Variants in ACO1 observed in about 807,000 individuals in gnomAD.
ACO1 encodes aconitase 1, also known as cytoplasmic aconitate hydratase.
ACO1 carries 78 observed loss-of-function variants against 105.1 expected under a neutral mutation model. That is an observed-to-expected ratio of 0.74 (90% CI 0.62 to 0.90). The LOEUF (loss-of-function observed/expected upper bound fraction) is 0.90, where lower values mean the gene tolerates loss of function less well. Ranked by LOEUF, ACO1 falls within the 40% of genes least tolerant of loss-of-function variation. The pLI is 0.00. For missense variants in ACO1, 965 were observed against 1,111.1 expected (o/e 0.87, Z 1.87); for synonymous variants, 364 against 397.4 (o/e 0.92, Z 1.00).
At chr9:32,399,971 T>TTG (rs202014789) in intron 1 of ACO1, among the ~76,000 whole-genome samples, 125 of 107,768 alleles carry the variant, frequency 1.2e-3, no homozygotes, top group South Asian at 2.7e-3. Flanking sequence ...TTTCTGTTTT[T>TTG]TTTTTTTTTT....
chr9:32,423,462 A>ATG, intron 9 of ACO1, 43 bp downstream of exon 9: 1 of 1,346,718 alleles, frequency 7.4e-7, no homozygotes, highest in Non-Finnish European at 1.0e-6. Flanking sequence ...CCTCTTCCTC[A>ATG]AGGCTGCGAT....
chr9:32,431,979 G>A, intron 15 of ACO1, 136 bp downstream of exon 15: 1 of 1,050,522 alleles, frequency 9.5e-7, no homozygotes, highest in South Asian at 2.0e-5. Context: ...GATGACTGGG[G>A]AGGTGGTTCT....
At chr9:32,430,063 T>C (rs1822191608) in intron 13 of ACO1, among the ~76,000 whole-genome samples, 1 of 152,256 alleles carries the variant, frequency 6.6e-6, no homozygotes, top group African/African-American at 2.4e-5. Context: ...TTGCATTAAT[T>C]ATAGAATCTA....
rs369285387 is a variant in ACO1 at position 32,451,784 on chromosome 9, C to A, written c.*1673C>A. The A allele has an allele frequency of 6.6e-6, 1 of 152,160 alleles. No homozygotes were observed. The highest frequency in any genetic ancestry group is 2.1e-4 in the South Asian group (1 of 4,824). The allele number at this position is 152,160 out of a possible 1,614,324, so 9.4% of individuals were successfully genotyped here. A position where few individuals can be genotyped will look rare whatever the true frequency, so the allele number is the denominator to read the frequency against. ...AAAAAATAAATTACAAACAAACAGC[C>A]AGGCGCAGTGGCTCATGCCTATAAT... is the stretch of plus-strand genomic sequence containing the variant. On this transcript the variant is annotated 3_prime_UTR_variant, in exon 21 of 21. Coordinates refer to ENST00000309951, the MANE Select transcript of ACO1 (RefSeq NM_002197.3).
intron 1 of ACO1, among the ~76,000 whole-genome samples, chr9:32,397,674 C>A (rs1055424471): frequency 2.0e-5 from 3 of 152,108 alleles, no homozygotes; most frequent in African/African-American, 7.2e-5. Context: ...TATAGCTAAC[C>A]TTTTTAATGA....
chr9:32,419,471 A>G (rs1821923828), intron 7 of ACO1, among the ~76,000 whole-genome samples: 1 of 152,258 alleles, frequency 6.6e-6, no homozygotes, highest in Non-Finnish European at 1.5e-5. Flanking sequence ...CCCACCACCT[A>G]GATTTAACAG....
chr9:32,417,279 G>A (rs1042600325), intron 4 of ACO1, among the ~76,000 whole-genome samples: 1 of 152,166 alleles, frequency 6.6e-6, no homozygotes. Flanking sequence ...GTTCCTAGTA[G>A]TGTCAAAAAG....
At chr9:32,445,078 T>C (rs2118571717) in intron 19 of ACO1, among the ~76,000 whole-genome samples, 1 of 152,294 alleles carries the variant, frequency 6.6e-6, no homozygotes, top group Admixed American at 6.5e-5. Context: ...CAAATTTTTT[T>C]TGGTTGTGTC....
chr9:32,408,367 A>G, intron 3 of ACO1, 147 bp from the exon 4 acceptor site: 1 of 861,308 alleles, frequency 1.2e-6, no homozygotes, highest in Non-Finnish European at 1.8e-6. Context: ...ATACGCTTAG[A>G]AACTTTCACT....
At chr9:32,403,639 G>A (rs1821545342) in intron 1 of ACO1, among the ~76,000 whole-genome samples, 1 of 152,206 alleles carries the variant, frequency 6.6e-6, no homozygotes, top group African/African-American at 2.4e-5. Context: ...CAGATAATAA[G>A]TACAAGTTAA....
intron 1 of ACO1, among the ~76,000 whole-genome samples, chr9:32,401,466 C>A (rs959867954): frequency 2.6e-5 from 4 of 151,610 alleles, no homozygotes; most frequent in African/African-American, 4.9e-5. Flanking sequence ...GCCTCTCTGT[C>A]TTCCTCTGGG....
At chr9:32,396,305 C>T (rs888557829) in intron 1 of ACO1, among the ~76,000 whole-genome samples, 2 of 152,202 alleles carry the variant, frequency 1.3e-5, no homozygotes, top group Admixed American at 1.3e-4. Context: ...AAAGTCCCTA[C>T]TGTGGCCACT....
At chr9:32,416,076 T>C (rs1587531399) in intron 4 of ACO1, among the ~76,000 whole-genome samples, 1 of 150,788 alleles carries the variant, frequency 6.6e-6, no homozygotes, top group Non-Finnish European at 1.5e-5. Flanking sequence ...AAAAAATCTG[T>C]GTGGTAACCA....
At chr9:32,428,216 T>G (rs1822142764) in intron 12 of ACO1, among the ~76,000 whole-genome samples, 1 of 146,868 alleles carries the variant, frequency 6.8e-6, no homozygotes, top group African/African-American at 2.5e-5. Flanking sequence ...CCCAGGAGTT[T>G]GAGGTTGCAG....
chr9:32,425,341 C>T (rs1822065098), intron 10 of ACO1, among the ~76,000 whole-genome samples: 1 of 152,100 alleles, frequency 6.6e-6, no homozygotes, highest in Admixed American at 6.5e-5. Flanking sequence ...TGTGAGACAC[C>T]AGTATTATGC....
At chr9:32,394,231 A>G (rs1488421036) in intron 1 of ACO1, among the ~76,000 whole-genome samples, 1 of 152,118 alleles carries the variant, frequency 6.6e-6, no homozygotes, top group Admixed American at 6.5e-5. Flanking sequence ...GCATGGTGTC[A>G]CCTGTCCCTA....
At chr9:32,431,671 A>T (rs1224058871) in intron 14 of ACO1, 48 bp from the exon 15 acceptor site, 2 of 1,608,596 alleles carry the variant, frequency 1.2e-6, no homozygotes, top group Non-Finnish European at 1.7e-6. Context: ...ATAATCATGA[A>T]AATTGCATAT....
chr9:32,448,725 C>T (rs778534589), intron 19 of ACO1, among the ~76,000 whole-genome samples, 171 bp from the exon 20 acceptor site: 4 of 152,184 alleles, frequency 2.6e-5, no homozygotes, highest in Non-Finnish European at 4.4e-5. Flanking sequence ...CCGGGTACCT[C>T]AGTTGGAAAT....
Position 32,419,026 on chromosome 9 carries a change from C to A in ACO1, c.659-12C>A. 6.3e-7 allele frequency: 1 copy of A among 1,577,684 alleles called. No individual in the cohort carries two copies. On this transcript the variant is annotated splice_polypyrimidine_tract_variant and intron_variant, in intron 6 of 20. Transcript: ENST00000309951. Reference sequence around the variant, plus strand: ...AATGAAGGCATTCTTCCGGTCATGCCGTTCATTGCAGGTGTCGGTGGTATT... The same window carrying A: ...AATGAAGGCATTCTTCCGGTCATGCAGTTCATTGCAGGTGTCGGTGGTATT...
Sources: allele counts gnomAD v4.1 joint callset (sites outside exome capture counted in the v4.1 genomes callset), GRCh38; gene constraint gnomAD v4.1.1; transcripts MANE v1.5; gene names NCBI Gene and HGNC (gene_info 2026-07-23, HGNC 2026-07-21).